Variants in GMCL1 observed in about 807,000 individuals in gnomAD.
GMCL1 encodes germ cell-less protein-like 1.
Under a neutral mutation model 75.5 loss-of-function variants are expected in GMCL1, and 54 were observed. The ratio of observed to expected loss-of-function variants is 0.71; its 90% CI spans 0.57 to 0.90. The LOEUF (loss-of-function observed/expected upper bound fraction) is 0.90, where lower values mean the gene tolerates loss of function less well. Among genes scored for constraint, GMCL1 ranks in the 40% least tolerant of loss-of-function variants. The pLI, the probability that GMCL1 is intolerant of heterozygous loss-of-function variation, is 0.00. For missense variants in GMCL1, 537 were observed against 622.7 expected (o/e 0.86, Z 1.47); for synonymous variants, 210 against 209.6 (o/e 1.00, Z -0.02).
At chr2:69,874,934 G>A (rs1261342037) in intron 13 of GMCL1, among the ~76,000 whole-genome samples, 3 of 151,504 alleles carry the variant, frequency 2.0e-5, no homozygotes, top group Non-Finnish European at 2.9e-5. Flanking sequence ...TTATAGAGAC[G>A]AGGTTTTGCC....
chr2:69,859,799 T>C (rs981097976), intron 9 of GMCL1, among the ~76,000 whole-genome samples: 12 of 145,976 alleles, frequency 8.2e-5, no homozygotes, highest in African/African-American at 2.8e-4. Flanking sequence ...CAGTAAATCA[T>C]TGGAAGTCAC....
At chr2:69,861,121 G>T (rs1675630356) in intron 9 of GMCL1, among the ~76,000 whole-genome samples, 157 bp from the exon 10 acceptor site, 1 of 152,178 alleles carries the variant, frequency 6.6e-6, no homozygotes, top group Non-Finnish European at 1.5e-5. Context: ...GGGATTATAG[G>T]CATGAGCCAC....
chr2:69,852,354 G>C (rs1675341076), intron 8 of GMCL1, among the ~76,000 whole-genome samples: 1 of 152,172 alleles, frequency 6.6e-6, no homozygotes, highest in Admixed American at 6.5e-5. Context: ...TACAGTTCAA[G>C]ATAACTTTTC....
At chr2:69,860,006 A>G (rs1021922363) in intron 9 of GMCL1, among the ~76,000 whole-genome samples, 2 of 152,050 alleles carry the variant, frequency 1.3e-5, no homozygotes, top group Admixed American at 6.6e-5. Context: ...ATTTGTATTT[A>G]TTTATTTTTT....
intron 6 of GMCL1, among the ~76,000 whole-genome samples, chr2:69,845,955 ATT>A (rs35362436): frequency 1.5e-3 from 219 of 143,792 alleles, no homozygotes; most frequent in East Asian, 5.0e-3. Context: ...AATTTTACTG[ATT>A]TTTTTTTTTT....
chr2:69,849,799 C>A, intron 8 of GMCL1, 57 bp downstream of exon 8: 2 of 995,704 alleles, frequency 2.0e-6, no homozygotes, highest in Non-Finnish European at 3.0e-6. Context: ...TAAAATCAGG[C>A]CCCATGAGAA....
chr2:69,866,754 C>A (rs1196707304), intron 11 of GMCL1, among the ~76,000 whole-genome samples: 1 of 152,102 alleles, frequency 6.6e-6, no homozygotes, highest in African/African-American at 2.4e-5. Context: ...CATGAGCCAC[C>A]ACACCCAGCC....
At chr2:69,835,168 T>C (rs1475113709) in intron 1 of GMCL1, among the ~76,000 whole-genome samples, 1 of 152,066 alleles carries the variant, frequency 6.6e-6, no homozygotes, top group African/African-American at 2.4e-5. Context: ...TATTCATTCT[T>C]AAATATAAGT....
chr2:69,849,525 A>G (rs1675249305), intron 7 of GMCL1, 127 bp from the exon 8 acceptor site: 1 of 572,024 alleles, frequency 1.7e-6, no homozygotes, highest in South Asian at 2.7e-5. Context: ...CTTTCTTGCA[A>G]TTGCTGGTAA....
intron 9 of GMCL1, among the ~76,000 whole-genome samples, chr2:69,859,742 T>TTAAAAAAAAAAAAAAAAAAAAAAAAAAAA (rs1553372489): frequency 2.5e-5 from 2 of 79,102 alleles, no homozygotes; most frequent in Middle Eastern, 6.3e-3. Flanking sequence ...TCTCTCTCTC[T>TTAAAAAAAAAAAAAAAAAAAAAAAAAAAA]AAAAAAAAAA....
chr2:69,838,992 T>C (rs1674902243), intron 2 of GMCL1, among the ~76,000 whole-genome samples: 1 of 152,226 alleles, frequency 6.6e-6, no homozygotes, highest in Non-Finnish European at 1.5e-5. Context: ...CCTAAAGACT[T>C]CATTCTGTAC....
chr2:69,869,235 G>A (rs1292881159), intron 11 of GMCL1, among the ~76,000 whole-genome samples: 4 of 117,528 alleles, frequency 3.4e-5, no homozygotes, highest in Admixed American at 1.9e-4. Flanking sequence ...GGCAACTAGA[G>A]CAAACCTCTG....
chr2:69,846,823 G>A (rs1235984177), intron 6 of GMCL1, among the ~76,000 whole-genome samples: 3 of 151,648 alleles, frequency 2.0e-5, no homozygotes, highest in Admixed American at 6.6e-5. Context: ...AGCTGTTTTA[G>A]TGTCTTTTTT....
intron 6 of GMCL1, among the ~76,000 whole-genome samples, chr2:69,845,881 A>G (rs12328891): frequency 0.061 from 9,243 of 151,896 alleles, 921 homozygotes; most frequent in African/African-American, 0.21. Flanking sequence ...GTCCGAGAGT[A>G]TGTGACATTC....
intron 11 of GMCL1, among the ~76,000 whole-genome samples, chr2:69,865,945 T>C (rs957201010): frequency 6.6e-6 from 1 of 152,096 alleles, no homozygotes; most frequent in Non-Finnish European, 1.5e-5. Flanking sequence ...TTCTATTTAA[T>C]ATTTTTTTAA....
chr2:69,876,963 G>C (rs1029944868), intron 13 of GMCL1, among the ~76,000 whole-genome samples: 1 of 152,136 alleles, frequency 6.6e-6, no homozygotes. Context: ...ACTCCAGCCT[G>C]GGTGACAGAG....
intron 11 of GMCL1, 47 bp downstream of exon 11, chr2:69,865,022 T>C (rs1351919266): frequency 8.0e-6 from 11 of 1,375,650 alleles, no homozygotes; most frequent in Non-Finnish European, 1.1e-5. Flanking sequence ...AATTGTATTA[T>C]CAGCACATCC....
chr2:69,858,385 T>C (rs1233669199), intron 9 of GMCL1, among the ~76,000 whole-genome samples: 1 of 152,212 alleles, frequency 6.6e-6, no homozygotes. Flanking sequence ...ATATTACTAT[T>C]TAGTCAAAAT....
At chr2:69,858,852 T>G (rs1359924607) in intron 9 of GMCL1, among the ~76,000 whole-genome samples, 1 of 152,148 alleles carries the variant, frequency 6.6e-6, no homozygotes, top group Non-Finnish European at 1.5e-5. Flanking sequence ...GAATTTAAAT[T>G]CTAAAACATT....
Sources: allele counts gnomAD v4.1 joint callset (sites outside exome capture counted in the v4.1 genomes callset), GRCh38; gene constraint gnomAD v4.1.1; transcripts MANE v1.5; gene names NCBI Gene and HGNC (gene_info 2026-07-23, HGNC 2026-07-21).